The following CDH11 variants were observed in gnomAD, a reference collection of about 807,000 sequenced individuals.
CDH11 encodes the protein cadherin-11.
A neutral mutation model predicts 67.8 loss-of-function variants in CDH11; 11 were observed. The observed-to-expected ratio is 0.16, with a 90% confidence interval of 0.10 to 0.27. The LOEUF (loss-of-function observed/expected upper bound fraction) is 0.27. CDH11 is among the 10% of genes least tolerant of loss of function. The pLI is 1.00. For missense variants in CDH11, 847 were observed against 1,031.2 expected, an observed-to-expected ratio of 0.82 and a Z score of 2.45; for synonymous variants, 419 against 400.0, an observed-to-expected ratio of 1.05 and a Z score of -0.57.
intron 1 of CDH11, among the ~76,000 whole-genome samples, chr16:65,092,939 CTT>C (rs572146359): frequency 3.3e-4 from 45 of 137,744 alleles, no homozygotes; most frequent in Admixed American, 6.6e-4. Context: ...AGTTTGTCTC[CTT>C]TTTTTTTTTT....
At chr16:65,029,793 G>A (rs2073606886) in intron 2 of CDH11, among the ~76,000 whole-genome samples, 1 of 152,140 alleles carries the variant, frequency 6.6e-6, no homozygotes, top group Non-Finnish European at 1.5e-5. Context: ...CCTTTCCAAT[G>A]TCCTACACAA....
intron 1 of CDH11, among the ~76,000 whole-genome samples, chr16:65,099,014 C>T (rs1200880222): frequency 1.3e-5 from 2 of 152,026 alleles, no homozygotes; most frequent in South Asian, 2.1e-4. Flanking sequence ...GCTTTGTAAC[C>T]GTCTATTTTC....
intron 8 of CDH11, among the ~76,000 whole-genome samples, chr16:64,978,328 G>T (rs1450218264): frequency 3.3e-5 from 5 of 152,210 alleles, no homozygotes; most frequent in Non-Finnish European, 7.3e-5. Flanking sequence ...CAGCAAACTT[G>T]TTCTGCAAGG....
At chr16:65,056,705 G>A (rs975387923) in intron 1 of CDH11, among the ~76,000 whole-genome samples, 2 of 152,182 alleles carry the variant, frequency 1.3e-5, no homozygotes, top group Non-Finnish European at 2.9e-5. Flanking sequence ...GAATCCAGCA[G>A]TGCTGACCTC....
At chr16:65,003,809 T>C (rs564717611) in intron 3 of CDH11, among the ~76,000 whole-genome samples, 24 of 152,302 alleles carry the variant, frequency 1.6e-4, no homozygotes, top group African/African-American at 5.5e-4. Flanking sequence ...ACATATTCAT[T>C]CAGCTCTTCA....
At position 64,971,635 on chromosome 16, in the gene CDH11, A is replaced by T. The variant is rs1850188492; in HGVS notation, c.1586T>A (p.Phe529Tyr). 6.2e-7 allele frequency: 1 copy of T among 1,613,822 alleles called. No homozygotes were observed. The highest frequency in any genetic ancestry group is 8.5e-7 in the Non-Finnish European group (1 of 1,179,862). Residue 529 changes from phenylalanine to tyrosine, a missense_variant, in exon 11 of 13, where the codon TTC (phenylalanine) becomes TAC (tyrosine). Coordinates refer to ENST00000268603, the MANE Select transcript of CDH11 (RefSeq NM_001797.4). The stretch of plus-strand genomic sequence containing the variant: ...GTGAATGATTTCAGGGGGTAGGCTG[A>T]AGATAAATCTTGGTCCATTGGCCGT... The part of the protein sequence containing the change: ...DDTANGPRFI[F>Y]SLPPEIIHNP...
chr16:65,048,369 C>T (rs2073998689), intron 2 of CDH11, among the ~76,000 whole-genome samples: 1 of 152,170 alleles, frequency 6.6e-6, no homozygotes, highest in African/African-American at 2.4e-5. Flanking sequence ...GGCTACCTTT[C>T]AGCCCAGCAA....
chr16:65,004,754 T>C lies in CDH11; in HGVS notation c.116A>G (p.His39Arg). 1 of 1,613,248 alleles carries C rather than the reference T, an allele frequency of 6.2e-7. No individual in the cohort carries two copies. The highest frequency in any genetic ancestry group is 8.5e-7 in the Non-Finnish European group (1 of 1,179,780). ...CACCTGCCCCTCCTTGCCCTTCTCA[T>C]GGTGCCCATGGAAGGAGGGCCGCAG... ...GHLRPSFHGH[H>R]EKGKEGQVLQ... The change falls in exon 3 of 13, where the codon CAT (histidine) becomes CGT (arginine). Residue 39 changes from histidine (H) to arginine (R), a missense_variant. Physicochemically the swap from His to Arg is conservative, Grantham distance 29. Around this residue, in one of 2 missense-constraint regions of CDH11, gnomAD observed 235 missense variants for 352.5 expected, o/e 0.67. Coordinates refer to ENST00000268603, the MANE Select transcript of CDH11 (RefSeq NM_001797.4).
chr16:64,950,788 C>A lies in CDH11; in HGVS notation c.1873G>T (p.Ala625Ser). The change falls in exon 12 of 13, where the codon GCC becomes TCC. Residue 625 changes from alanine to serine, a missense_variant. Coordinates refer to ENST00000268603, the MANE Select transcript of CDH11 (RefSeq NM_001797.4). ...TTACCCAGGAGAATGACGATGCAGG[C>A]GAGGATGGCGATCAGGGCGCCTGTG... ...LSTGALIAIL[A>S]CIVILLVIVV... 6.2e-7 allele frequency: 1 copy of A among 1,613,992 alleles called. No individual in the cohort carries two copies. The highest frequency in any genetic ancestry group is 8.5e-7 in the Non-Finnish European group (1 of 1,179,942).
At chr16:64,970,729 T>C (rs188602381) in intron 11 of CDH11, among the ~76,000 whole-genome samples, 2 of 152,316 alleles carry the variant, frequency 1.3e-5, no homozygotes, top group South Asian at 2.1e-4. Context: ...CTGGTTAGCA[T>C]GGATTGCATG....
intron 6 of CDH11, among the ~76,000 whole-genome samples, chr16:64,989,749 T>A (rs1320059552): frequency 6.6e-6 from 1 of 152,292 alleles, no homozygotes; most frequent in East Asian, 1.9e-4. Context: ...TTCAACATTA[T>A]CTTATTTGCT....
intron 1 of CDH11, among the ~76,000 whole-genome samples, chr16:65,061,120 C>T (rs2074231895): frequency 6.6e-6 from 1 of 152,188 alleles, no homozygotes; most frequent in African/African-American, 2.4e-5. Flanking sequence ...TTATTTCTCC[C>T]ACAATTAGAG....
rs969858626 is a variant in CDH11 at position 65,078,152 on chromosome 16, T to G, written c.-297-24224A>C. 5.3e-5 allele frequency among the ~76,000 whole-genome samples: 8 copies of G among 152,224 alleles called. No individual in the cohort carries two copies. The East Asian group carries it at 1.5e-3, about 29-fold the overall frequency. On this transcript the variant is annotated intron_variant, in intron 1 of 12. Coordinates refer to ENST00000268603, the MANE Select transcript of CDH11 (RefSeq NM_001797.4). ...ATTTCTTTCATATATTTTGACAATA[T>G]GGAAAAGTCAAAGAAACCTCCCTGA...
chr16:65,024,899 C>T (rs1021176331), intron 2 of CDH11, among the ~76,000 whole-genome samples: 1 of 152,172 alleles, frequency 6.6e-6, no homozygotes, highest in Admixed American at 6.5e-5. Flanking sequence ...CTCCACACTC[C>T]ATAGTAAATA....
chr16:65,089,030 A>G (rs1255482800), intron 1 of CDH11, among the ~76,000 whole-genome samples: 1 of 152,152 alleles, frequency 6.6e-6, no homozygotes, highest in African/African-American at 2.4e-5. Context: ...CTTTCGATGC[A>G]CTTTGAGTGT....
chr16:64,950,637 T>G, intron 12 of CDH11, 130 bp downstream of exon 12: 1 of 1,031,190 alleles, frequency 9.7e-7, no homozygotes, highest in Non-Finnish European at 1.3e-6. Flanking sequence ...GTACCCCACT[T>G]CTTTTCTTGA....
At chr16:65,113,837 C>G (rs1052247386) in intron 1 of CDH11, among the ~76,000 whole-genome samples, 2 of 152,274 alleles carry the variant, frequency 1.3e-5, no homozygotes, top group South Asian at 2.1e-4. Flanking sequence ...GCCCACCCCC[C>G]ATAAGATGCT....
At chr16:64,973,450 G>T (rs35227) in intron 8 of CDH11, among the ~76,000 whole-genome samples, 5 of 152,014 alleles carry the variant, frequency 3.3e-5, no homozygotes, top group African/African-American at 1.2e-4. Context: ...TTTTAAATCC[G>T]TTCAAGTGTA....
upstream of CDH11, among the ~76,000 whole-genome samples, chr16:65,122,527 G>T (rs996349216): frequency 6.6e-6 from 1 of 152,198 alleles, no homozygotes; most frequent in African/African-American, 2.4e-5. Flanking sequence ...GTGGTTGGGG[G>T]AAGGTATCGT....
Sources: gnomAD v4.1 joint callset for allele counts (sites outside exome capture counted in the v4.1 genomes callset) on GRCh38, gnomAD v4.1.1 for gene constraint, gnomAD v4.1.1 regional missense constraint, MANE v1.5 for transcripts, NCBI Gene and HGNC (gene_info 2026-07-23, HGNC 2026-07-21) for gene names.